SYNPR: variants seen among roughly 807,000 people sequenced by gnomAD.
SYNPR encodes the protein synaptoporin.
Under a neutral mutation model 32.9 loss-of-function variants are expected in SYNPR, and 23 were observed. The observed-to-expected ratio is 0.70, with a 90% CI of 0.50 to 0.99. SYNPR has a LOEUF of 0.99. SYNPR is among the 50% of genes least tolerant of loss of function. The pLI is 0.00. For synonymous variants in SYNPR, 146 were observed against 135.9 expected (o/e 1.07, Z -0.52); for missense variants, 318 against 349.3 (o/e 0.91, Z 0.71).
Position 63,450,159 on chromosome 3 carries a change from A to G in SYNPR, c.85-30673A>G, listed in dbSNP as rs74793476. ...CTGAGTGGTTTTGGACTGCCCACAT[A>G]CATTCTTAGAGTCTCCCCAGTAGTT... On this transcript the variant is annotated intron_variant, in intron 2 of 5. Coordinates refer to ENST00000478300, the MANE Select transcript of SYNPR (RefSeq NM_001130003.2). Among the ~76,000 whole-genome samples, 746 of 152,232 alleles carry G rather than the reference A, an allele frequency of 4.9e-3. 17 individuals carry two copies. The highest frequency in any genetic ancestry group is 0.035 in the Admixed American group (535 of 15,266).
intron 2 of SYNPR, among the ~76,000 whole-genome samples, chr3:63,470,581 A>G (rs1219833409): frequency 3.9e-5 from 6 of 152,190 alleles, no homozygotes; most frequent in African/African-American, 1.4e-4. Context: ...TGGGCTTGAC[A>G]ATGCTGTGTT....
Position 63,344,827 on chromosome 3 carries a change from G to A in SYNPR, c.84+66085G>A, listed in dbSNP as rs189538669. On this transcript the variant is annotated intron_variant, in intron 2 of 5. Transcript: ENST00000478300. The stretch of plus-strand genomic sequence containing the variant: ...GCTTTTCAAGGATGGGCAGGGGGCT[G>A]GTGAATGGGGGGAATGGTGATTGGT... Among the ~76,000 whole-genome samples the A allele has an allele frequency of 3.4e-3, 521 of 152,156 alleles. 2 individuals are homozygous for A. The highest frequency in any genetic ancestry group is 0.012 in the African/African-American group (489 of 41,528).
intron 1 of SYNPR, among the ~76,000 whole-genome samples, chr3:63,235,509 T>C (rs2086194230): frequency 1.3e-5 from 2 of 152,122 alleles, no homozygotes; most frequent in African/African-American, 4.8e-5. Flanking sequence ...CCATACAGAT[T>C]TTTGGGCCCC....
intron 2 of SYNPR, among the ~76,000 whole-genome samples, chr3:63,444,035 G>A (rs1700228750): frequency 6.6e-6 from 1 of 152,156 alleles, no homozygotes; most frequent in South Asian, 2.1e-4. Context: ...AAAGTATTCA[G>A]ATCACTAAAT....
chr3:63,203,074 A>ATATATATATATATATATATATGTATGTG, the SYNPR span: 4 of 21,854 alleles, frequency 1.8e-4, no homozygotes, highest in South Asian at 0.015. Flanking sequence ...ATGTGTATAT[A>ATATATATATATATATATATATGTATGTG]TATATATATA....
chr3:63,495,360 C>A (rs71298655), intron 3 of SYNPR, among the ~76,000 whole-genome samples: 284 of 152,220 alleles, frequency 1.9e-3, no homozygotes, highest in Non-Finnish European at 3.5e-3. Context: ...AGATACTAAT[C>A]AAAAAACCTG....
chr3:63,413,083 T>G (rs916232902), intron 2 of SYNPR, among the ~76,000 whole-genome samples: 1 of 152,218 alleles, frequency 6.6e-6, no homozygotes, highest in African/African-American at 2.4e-5. Flanking sequence ...AGTGTACTAT[T>G]ATACTTTATT....
intron 4 of SYNPR, among the ~76,000 whole-genome samples, chr3:63,583,491 T>C (rs1575722993): frequency 6.6e-6 from 1 of 152,118 alleles, no homozygotes; most frequent in Non-Finnish European, 1.5e-5. Context: ...GCTTCAAGCG[T>C]GACCAGGGAC....
At chr3:63,299,080 A>T (rs2086817952) in intron 2 of SYNPR, among the ~76,000 whole-genome samples, 1 of 152,120 alleles carries the variant, frequency 6.6e-6, no homozygotes, top group South Asian at 2.1e-4. Context: ...AGCTTATATT[A>T]AAAAAATAGA....
At chr3:63,454,513 AC>A (rs1289512712) in intron 2 of SYNPR, among the ~76,000 whole-genome samples, 2 of 152,176 alleles carry the variant, frequency 1.3e-5, no homozygotes, top group Non-Finnish European at 2.9e-5. Flanking sequence ...GCCCCATGAA[AC>A]AAACAGGTGA....
chr3:63,311,231 A>C (rs1041190327), intron 2 of SYNPR, among the ~76,000 whole-genome samples: 1 of 152,056 alleles, frequency 6.6e-6, no homozygotes, highest in African/African-American at 2.4e-5. Flanking sequence ...CTCAATTGTC[A>C]GTTTGGGAAA....
chr3:63,573,124 A>G (rs1300519116), intron 4 of SYNPR, among the ~76,000 whole-genome samples: 1 of 152,216 alleles, frequency 6.6e-6, no homozygotes, highest in Non-Finnish European at 1.5e-5. Context: ...TGCAGCTTCT[A>G]AAGAACATGA....
chr3:63,417,324 C>G (rs1575633632), intron 2 of SYNPR, among the ~76,000 whole-genome samples: 1 of 152,370 alleles, frequency 6.6e-6, no homozygotes. Flanking sequence ...GAGGTGGATT[C>G]CTATGGTCTT....
chr3:63,459,839 A>G (rs1033588741), intron 2 of SYNPR, among the ~76,000 whole-genome samples: 2 of 151,984 alleles, frequency 1.3e-5, no homozygotes, highest in African/African-American at 4.8e-5. Context: ...CTATTACACC[A>G]AGACAGAGGA....
At chr3:63,320,794 A>C (rs1000475314) in intron 2 of SYNPR, among the ~76,000 whole-genome samples, 2 of 152,086 alleles carry the variant, frequency 1.3e-5, no homozygotes, top group African/African-American at 4.8e-5. Flanking sequence ...AGGGGCAGAT[A>C]CAAATTTTAA....
At chr3:63,480,736 T>G (rs2106696752) in intron 2 of SYNPR, 96 bp from the exon 3 acceptor site, 1 of 1,452,906 alleles carries the variant, frequency 6.9e-7, no homozygotes, top group Non-Finnish European at 9.2e-7. Context: ...GGACCATAAA[T>G]TCCCTCAATC....
chr3:63,207,015 C>T, the SYNPR span, among the ~76,000 whole-genome samples: 1 of 152,168 alleles, frequency 6.6e-6, no homozygotes, highest in African/African-American at 2.4e-5. Flanking sequence ...AAGAGAAGCA[C>T]CAGGCTCTCA....
At chr3:63,467,787 G>A (rs1205232938) in intron 2 of SYNPR, among the ~76,000 whole-genome samples, 1 of 152,056 alleles carries the variant, frequency 6.6e-6, no homozygotes, top group Non-Finnish European at 1.5e-5. Context: ...TTTTAGTTTC[G>A]TTTCTTCTCC....
chr3:63,570,349 T>C (rs1215289199), intron 4 of SYNPR, among the ~76,000 whole-genome samples: 3 of 152,204 alleles, frequency 2.0e-5, no homozygotes, highest in Non-Finnish European at 4.4e-5. Flanking sequence ...GTTTACACCA[T>C]TGTATCTCTG....
Sources: gnomAD v4.1 joint callset for allele counts (sites outside exome capture counted in the v4.1 genomes callset) on GRCh38, gnomAD v4.1.1 for gene constraint, MANE v1.5 for transcripts, NCBI Gene and HGNC (gene_info 2026-07-23, HGNC 2026-07-21) for gene names.